AUTS2: variants seen among roughly 807,000 people sequenced by gnomAD.
AUTS2 encodes the protein autism susceptibility gene 2 protein.
In AUTS2, 17 loss-of-function variants were observed where a neutral mutation model predicts 112.4. The observed-to-expected ratio is 0.15, with a 90% CI of 0.10 to 0.23. AUTS2 has a LOEUF of 0.23. Ranked by LOEUF, AUTS2 falls within the 10% of genes least tolerant of loss-of-function variation. The pLI is 1.00. For synonymous variants in AUTS2, 751 were observed against 702.7 expected, an observed-to-expected ratio of 1.07 and a Z score of -1.09; for missense variants, 1,510 against 1,701.6, an observed-to-expected ratio of 0.89 and a Z score of 1.98.
At chr7:70,752,091 G>T (rs946155154) in intron 6 of AUTS2, among the ~76,000 whole-genome samples, 1 of 151,984 alleles carries the variant, frequency 6.6e-6, no homozygotes, top group Non-Finnish European at 1.5e-5. Flanking sequence ...AGTGTCATGT[G>T]AGCACTTAGT....
chr7:70,308,492 G>A (rs1222274248), intron 4 of AUTS2, among the ~76,000 whole-genome samples: 2 of 152,208 alleles, frequency 1.3e-5, no homozygotes, highest in Non-Finnish European at 2.9e-5. Flanking sequence ...ATTAAAGCTA[G>A]TTGTTTAAAA....
chr7:69,601,147 G>GCA (rs932544345), intron 1 of AUTS2, among the ~76,000 whole-genome samples: 5 of 151,120 alleles, frequency 3.3e-5, no homozygotes, highest in African/African-American at 1.2e-4. Context: ...CACACACCAT[G>GCA]CACACACACA....
intron 2 of AUTS2, among the ~76,000 whole-genome samples, chr7:69,920,305 T>G (rs1019975745): frequency 1.3e-5 from 2 of 152,056 alleles, no homozygotes; most frequent in African/African-American, 4.8e-5. Context: ...CTTTTATTTT[T>G]TTTTAGAGAG....
At chr7:70,685,174 A>G (rs965681311) in intron 5 of AUTS2, among the ~76,000 whole-genome samples, 5 of 152,116 alleles carry the variant, frequency 3.3e-5, no homozygotes, top group African/African-American at 4.8e-5. Flanking sequence ...CAGATCAGAT[A>G]CAGAAAAGTA....
chr7:70,449,610 T>G (rs961058770), intron 5 of AUTS2, among the ~76,000 whole-genome samples: 5 of 152,264 alleles, frequency 3.3e-5, no homozygotes, highest in Middle Eastern at 3.4e-3. Context: ...AGGCATAAAT[T>G]CTTGACAGCC....
At chr7:70,645,198 A>C (rs1806082222) in intron 5 of AUTS2, among the ~76,000 whole-genome samples, 1 of 149,898 alleles carries the variant, frequency 6.7e-6, no homozygotes, top group Non-Finnish European at 1.5e-5. Context: ...TTTCATGTGA[A>C]TCGCTCCCAC....
chr7:70,377,466 A>C lies in AUTS2; in HGVS notation c.661-58286A>C, dbSNP rs575727390. Among the ~76,000 whole-genome samples the C allele has an allele frequency of 2.7e-5, 4 of 148,488 alleles. No individual in the cohort carries two copies. The East Asian group carries it at 7.9e-4, about 29-fold the overall frequency. On this transcript the variant is annotated intron_variant, in intron 4 of 18. Transcript: ENST00000342771. ...ATATATATTTAAATAGTTTATATTTAAACTATTTAAAGCCATAAAATGGCT... is the reference window on the plus strand; with the variant it reads ...ATATATATTTAAATAGTTTATATTTCAACTATTTAAAGCCATAAAATGGCT...
In AUTS2 at chr7:70,696,030, T is replaced by TAA. The variant is rs528217515; in HGVS notation, c.691-2539_691-2538insAA. 5.4e-4 allele frequency among the ~76,000 whole-genome samples: 80 copies of TAA among 147,936 alleles called. No homozygotes were observed. The East Asian group carries it at 0.01, about 19-fold the overall frequency. On this transcript the variant is annotated intron_variant, in intron 5 of 18. Coordinates refer to ENST00000342771, the MANE Select transcript of AUTS2 (RefSeq NM_015570.4). ...TTTTCCATTTGAATAATAATTTTTT[T>TAA]TAAAAAGCCAGGAAAATGGTCCAGG...
chr7:69,936,532 G>T (rs1211622563), intron 2 of AUTS2, among the ~76,000 whole-genome samples: 1 of 152,060 alleles, frequency 6.6e-6, no homozygotes, highest in Non-Finnish European at 1.5e-5. Flanking sequence ...TGTATTTTTG[G>T]TAGAGATGGG....
At chr7:69,708,661 C>T (rs1172500023) in intron 1 of AUTS2, among the ~76,000 whole-genome samples, 3 of 152,190 alleles carry the variant, frequency 2.0e-5, no homozygotes, top group Non-Finnish European at 4.4e-5. Context: ...AGTATGCCAT[C>T]GTGTGATGCC....
At chr7:70,488,888 CT>C (rs1249462093) in intron 5 of AUTS2, among the ~76,000 whole-genome samples, 2 of 152,214 alleles carry the variant, frequency 1.3e-5, no homozygotes, top group Non-Finnish European at 2.9e-5. Context: ...GCAGTCCCAC[CT>C]CTGTCCCACG....
At chr7:70,692,251 G>C (rs1035728817) in intron 5 of AUTS2, among the ~76,000 whole-genome samples, 42 of 152,166 alleles carry the variant, frequency 2.8e-4, no homozygotes, top group African/African-American at 1.0e-3. Context: ...GGTTTCAGCT[G>C]GTCAGCTAAG....
chr7:70,418,611 A>G (rs1474055655), intron 4 of AUTS2, among the ~76,000 whole-genome samples: 4 of 152,200 alleles, frequency 2.6e-5, no homozygotes, highest in Non-Finnish European at 4.4e-5. Context: ...TCTGAAAACA[A>G]TGGGATTATT....
At chr7:69,956,774 T>C (rs1797227609) in intron 2 of AUTS2, among the ~76,000 whole-genome samples, 1 of 152,174 alleles carries the variant, frequency 6.6e-6, no homozygotes, top group Admixed American at 6.5e-5. Flanking sequence ...CTTCAGCCTT[T>C]CGTTGTGTGA....
At chr7:70,106,551 C>G (rs1804777486) in intron 2 of AUTS2, among the ~76,000 whole-genome samples, 1 of 152,118 alleles carries the variant, frequency 6.6e-6, no homozygotes, top group Non-Finnish European at 1.5e-5. Context: ...AAAATCTTGT[C>G]TCTCAAAAAA....
intron 2 of AUTS2, among the ~76,000 whole-genome samples, chr7:69,902,034 A>C (rs1225442528): frequency 6.6e-6 from 1 of 152,166 alleles, no homozygotes; most frequent in Non-Finnish European, 1.5e-5. Flanking sequence ...TCAGTCTGTA[A>C]CTGATAGGCT....
chr7:70,108,086 T>C lies in AUTS2; in HGVS notation c.523-10046T>C, dbSNP rs1804869881. On this transcript the variant is annotated intron_variant, in intron 2 of 18. Coordinates refer to ENST00000342771, the MANE Select transcript of AUTS2 (RefSeq NM_015570.4). ...TGTCCTCATGGAAGTAATATGGCCT[T>C]TCATGGGATAGTCACTAATGATAAG... Among the ~76,000 whole-genome samples the C allele has an allele frequency of 2.6e-5, 4 of 152,054 alleles. No homozygotes were observed. The South Asian group carries it at 8.3e-4, about 32-fold the overall frequency.
chr7:70,662,348 A>T (rs1040631255), intron 5 of AUTS2, among the ~76,000 whole-genome samples: 7 of 152,220 alleles, frequency 4.6e-5, no homozygotes, highest in Non-Finnish European at 1.0e-4. Context: ...AGCTATGGAC[A>T]TGGGTCCTGG....
At chr7:70,405,650 A>C (rs1327503060) in intron 4 of AUTS2, among the ~76,000 whole-genome samples, 1 of 152,186 alleles carries the variant, frequency 6.6e-6, no homozygotes, top group Non-Finnish European at 1.5e-5. Context: ...AGGTAGAGTG[A>C]ATTTCTTCAT....
Sources: allele counts gnomAD v4.1 joint callset (sites outside exome capture counted in the v4.1 genomes callset), GRCh38; gene constraint gnomAD v4.1.1; transcripts MANE v1.5; gene names NCBI Gene and HGNC (gene_info 2026-07-23, HGNC 2026-07-21).